Variants in ADGRL3 observed in about 807,000 individuals in gnomAD.
ADGRL3 encodes the protein calcium-independent alpha-latrotoxin receptor 3.
In ADGRL3, 62 loss-of-function variants were observed where a neutral mutation model predicts 153.5. That is an observed-to-expected ratio of 0.40 (90% CI 0.33 to 0.50). ADGRL3 has a LOEUF of 0.50. Among genes scored for constraint, ADGRL3 ranks in the 20% least tolerant of loss-of-function variants. The pLI is 0.47. For synonymous variants in ADGRL3, 710 were observed against 672.5 expected, an observed-to-expected ratio of 1.06 and a Z score of -0.86; for missense variants, 1,641 against 1,859.4, an observed-to-expected ratio of 0.88 and a Z score of 2.16.
At chr4:61,408,638 A>C (rs1474048457) in intron 2 of ADGRL3, among the ~76,000 whole-genome samples, 3 of 152,088 alleles carry the variant, frequency 2.0e-5, no homozygotes, top group African/African-American at 7.2e-5. Context: ...ATTGGAAATA[A>C]ATTATTTAAT....
chr4:61,783,164 A>G (rs1222158869), intron 8 of ADGRL3, among the ~76,000 whole-genome samples: 7 of 152,150 alleles, frequency 4.6e-5, no homozygotes, highest in Admixed American at 4.6e-4. Context: ...TGAGGGCCAA[A>G]CAGAGGTTAA....
intron 21 of ADGRL3, among the ~76,000 whole-genome samples, chr4:62,002,651 T>G (rs2099144544): frequency 6.6e-6 from 1 of 151,914 alleles, no homozygotes; most frequent in African/African-American, 2.4e-5. Context: ...AAAAAGTAAT[T>G]AAAATTAAAT....
chr4:61,999,056 C>T (rs2099131556), intron 21 of ADGRL3, among the ~76,000 whole-genome samples: 1 of 152,184 alleles, frequency 6.6e-6, no homozygotes, highest in African/African-American at 2.4e-5. Context: ...TGTTAGATGG[C>T]TGCCATCCCC....
rs1296773810 is a variant in ADGRL3 at position 62,071,163 on chromosome 4, A to C, written c.*255A>C. ...CTTCAGATGGAGACTTCATTATGTT[A>C]ATGAACAAGATATGAAGAAAATGGC... is the stretch of plus-strand genomic sequence containing the variant. On this transcript the variant is annotated 3_prime_UTR_variant, in exon 27 of 27. Coordinates refer to ENST00000683033, the MANE Select transcript of ADGRL3 (RefSeq NM_001387552.1). 2.7e-6 allele frequency: 1 copy of C among 373,842 alleles called. No homozygotes were observed. The highest frequency in any genetic ancestry group is 4.8e-6 in the Non-Finnish European group (1 of 207,546). The allele number at this position is 373,842 out of a possible 1,614,324, so 23.2% of individuals were successfully genotyped here.
Position 61,612,162 on chromosome 4 carries a change from G to A in ADGRL3, c.473+24722G>A, listed in dbSNP as rs191073978. 4.6e-5 allele frequency among the ~76,000 whole-genome samples: 7 copies of A among 152,254 alleles called. No individual in the cohort carries two copies. The South Asian group carries it at 1.0e-3, about 23-fold the overall frequency. On this transcript the variant is annotated intron_variant, in intron 5 of 26. Coordinates refer to ENST00000683033, the MANE Select transcript of ADGRL3 (RefSeq NM_001387552.1). ...TAACTACCTTTATGCTAGTTAGATT[G>A]AACTGTGGCCAATTTAAGCTTATGA...
chr4:61,829,935 G>A (rs1008853686), intron 9 of ADGRL3, among the ~76,000 whole-genome samples: 2 of 152,086 alleles, frequency 1.3e-5, no homozygotes, highest in African/African-American at 4.8e-5. Flanking sequence ...GGGAGGCCAT[G>A]GCAGGAGGAT....
intron 8 of ADGRL3, among the ~76,000 whole-genome samples, chr4:61,798,590 ATTTG>A (rs201400601): frequency 2.4e-4 from 36 of 150,258 alleles, no homozygotes; most frequent in South Asian, 4.2e-4. Flanking sequence ...GGACTCATTT[ATTTG>A]TTTGTTTATT....
At position 61,798,954 on chromosome 4, in the gene ADGRL3, A is replaced by G. The variant is rs901496877; in HGVS notation, c.1400-14855A>G. 3.4e-5 allele frequency among the ~76,000 whole-genome samples: 5 copies of G among 145,244 alleles called. No individual in the cohort carries two copies. In the Admixed American group the frequency reaches 3.5e-4, roughly 10 times the overall value. On this transcript the variant is annotated intron_variant, in intron 8 of 26. Transcript: ENST00000683033. The stretch of plus-strand genomic sequence containing the variant: ...GAAAGCTCTTTCTAATGAGTTTAGG[A>G]TATTTTATATGTATTATAACATTAT...
intron 4 of ADGRL3, chr4:61,583,583 C>T: frequency 2.2e-6 from 1 of 464,022 alleles, no homozygotes; most frequent in Non-Finnish European, 4.2e-6. Context: ...TGATCAAAAG[C>T]ACTTTTCACT....
At position 61,942,040 on chromosome 4, in the gene ADGRL3, GC is replaced by G. The variant is rs1207042214; in HGVS notation, c.2420-4871del. ...TTCAAAGGGAATGCTTCCAGTTTTTGCCCATTCAGTATGATATTGGCTGTGG... is the reference window on the plus strand; with the variant it reads ...TTCAAAGGGAATGCTTCCAGTTTTTGCCATTCAGTATGATATTGGCTGTGG... On this transcript the variant is annotated intron_variant, in intron 15 of 26. Transcript: ENST00000683033. Among the ~76,000 whole-genome samples the G allele has an allele frequency of 1.3e-3, 32 of 23,716 alleles. 1 individual carries two copies. The highest frequency in any genetic ancestry group is 1.7e-3 in the Non-Finnish European group (24 of 13,990). 15.6% of individuals were successfully genotyped at this position (23,716 alleles called of 152,430 possible). A position where few individuals can be genotyped will look rare whatever the true frequency, so the allele number is the denominator to read the frequency against.
rs569725449 is a variant in ADGRL3 at position 61,868,232 on chromosome 4, G to A, written c.1481-24424G>A. Among the ~76,000 whole-genome samples the A allele has an allele frequency of 5.8e-4, 89 of 152,230 alleles. 1 individual carries two copies. The highest frequency in any genetic ancestry group is 1.0e-3 in the Non-Finnish European group (70 of 68,016). ...CTGAATTGAAAGTAATTCAGTGATT[G>A]AGACTTTTAACAAGTTTCTGTAGAT... On this transcript the variant is annotated intron_variant, in intron 9 of 26. Coordinates refer to ENST00000683033, the MANE Select transcript of ADGRL3 (RefSeq NM_001387552.1).
chr4:61,646,874 G>C (rs1453610870), intron 5 of ADGRL3, among the ~76,000 whole-genome samples: 1 of 152,198 alleles, frequency 6.6e-6, no homozygotes, highest in Non-Finnish European at 1.5e-5. Flanking sequence ...CCCTCCCCCA[G>C]CCTGGCTGCC....
intron 4 of ADGRL3, among the ~76,000 whole-genome samples, chr4:61,565,384 TAATGACA>T (rs1179578144): frequency 6.6e-6 from 1 of 152,202 alleles, no homozygotes; most frequent in Admixed American, 6.5e-5. Context: ...AATTCATATT[TAATGACA>T]TATTATTTTG....
chr4:61,387,022 A>G (rs2096745142), intron 2 of ADGRL3, among the ~76,000 whole-genome samples: 1 of 152,192 alleles, frequency 6.6e-6, no homozygotes, highest in Non-Finnish European at 1.5e-5. Flanking sequence ...ATAATCACGT[A>G]GGTTCTTTTC....
chr4:61,915,647 A>C (rs186640115), intron 13 of ADGRL3, among the ~76,000 whole-genome samples: 1 of 152,306 alleles, frequency 6.6e-6, no homozygotes, highest in Admixed American at 6.5e-5. Context: ...GACCAAATAC[A>C]AACAGAATAT....
At position 61,752,334 on chromosome 4, in the gene ADGRL3, C is replaced by T. The variant is rs540823054; in HGVS notation, c.1399+18780C>T. Among the ~76,000 whole-genome samples the T allele has an allele frequency of 2.0e-3, 304 of 152,168 alleles. 2 individuals are homozygous for T. Among genetic ancestry groups the T allele is most frequent in the African/African-American group, 6.9e-3 (285 of 41,512 alleles). On this transcript the variant is annotated intron_variant, in intron 8 of 26. Coordinates refer to ENST00000683033, the MANE Select transcript of ADGRL3 (RefSeq NM_001387552.1). Reference sequence around the variant, plus strand: ...AGGCTTGGAAAGCCTATTATATTGCCTATTACTAGCCTGGAAAGCCTATTA... The same window carrying T: ...AGGCTTGGAAAGCCTATTATATTGCTTATTACTAGCCTGGAAAGCCTATTA...
chr4:62,024,353 G>A (rs1263920512), intron 21 of ADGRL3, among the ~76,000 whole-genome samples: 3 of 151,966 alleles, frequency 2.0e-5, no homozygotes, highest in Non-Finnish European at 4.4e-5. Flanking sequence ...ATTCTAAAAT[G>A]TTTGTGATGT....
chr4:61,281,705 G>T (rs893461000), intron 1 of ADGRL3, among the ~76,000 whole-genome samples: 1 of 152,066 alleles, frequency 6.6e-6, no homozygotes, highest in Non-Finnish European at 1.5e-5. Flanking sequence ...TTAGATCCAG[G>T]ATGTTAGCTG....
Position 61,966,928 on chromosome 4 carries a change from CT to C in ADGRL3, c.2806-12633del, listed in dbSNP as rs538178656. Reference sequence around the variant, plus strand: ...GAAATATAGGCAAGCATTTGTGGACCTTCCCACTGTTAATGAAGTTGCTAAA... The same window carrying C: ...GAAATATAGGCAAGCATTTGTGGACCTCCCACTGTTAATGAAGTTGCTAAA... On this transcript the variant is annotated intron_variant, in intron 17 of 26. Transcript: ENST00000683033. Among the ~76,000 whole-genome samples the C allele has an allele frequency of 6.8e-4, 104 of 152,182 alleles. 1 individual carries two copies. In the East Asian group the frequency reaches 0.014, roughly 20 times the overall value.
Sources: allele counts gnomAD v4.1 joint callset (sites outside exome capture counted in the v4.1 genomes callset), GRCh38; gene constraint gnomAD v4.1.1; transcripts MANE v1.5; gene names NCBI Gene and HGNC (gene_info 2026-07-23, HGNC 2026-07-21).